Variants in PHTF2 observed in about 807,000 individuals in gnomAD.
The protein encoded by PHTF2 is putative homeodomain transcription factor 2, also known as protein PHTF2.
PHTF2 carries 60 observed loss-of-function variants against 101.2 expected under a neutral mutation model. The ratio of observed to expected loss-of-function variants is 0.59; its 90% CI spans 0.48 to 0.73. PHTF2 has a LOEUF of 0.73. PHTF2 is among the 30% of genes least tolerant of loss of function. PHTF2 has a pLI of 0.00. For missense variants in PHTF2, 747 were observed against 908.7 expected (o/e 0.82, Z 2.29); for synonymous variants, 311 against 307.3 (o/e 1.01, Z -0.13).
At chr7:77,932,066 A>G (rs896161397) in intron 12 of PHTF2, among the ~76,000 whole-genome samples, 11 of 152,108 alleles carry the variant, frequency 7.2e-5, no homozygotes, top group African/African-American at 2.7e-4. Context: ...GCGCTATTGC[A>G]CTCCAGCCTG....
At chr7:77,852,032 T>TTG (rs1342770285) in intron 2 of PHTF2, among the ~76,000 whole-genome samples, 8 of 152,036 alleles carry the variant, frequency 5.3e-5, no homozygotes, top group Non-Finnish European at 1.0e-4. Flanking sequence ...AAAGGTTTTT[T>TTG]TGTGTGTGTG....
intron 11 of PHTF2, among the ~76,000 whole-genome samples, chr7:77,927,848 C>T (rs1293717577): frequency 6.6e-6 from 1 of 152,164 alleles, no homozygotes; most frequent in Non-Finnish European, 1.5e-5. Context: ...AGCCTACTGT[C>T]ACTGGAGTAA....
At chr7:77,925,911 C>A (rs1048942682) in intron 11 of PHTF2, among the ~76,000 whole-genome samples, 2 of 151,958 alleles carry the variant, frequency 1.3e-5, no homozygotes, top group Non-Finnish European at 2.9e-5. Context: ...CAAAAATTAG[C>A]TGGCTGTTGT....
At chr7:77,850,360 C>CAAAAAAAAAAAAAAAAAAAA (rs71082789) in intron 2 of PHTF2, among the ~76,000 whole-genome samples, 1 of 44,376 alleles carries the variant, frequency 2.3e-5, no homozygotes, top group African/African-American at 8.7e-5. Flanking sequence ...GACCTTGTCT[C>CAAAAAAAAAAAAAAAAAAAA]AAAAAAAAAA....
chr7:77,861,702 C>T (rs1466042728), intron 3 of PHTF2, among the ~76,000 whole-genome samples: 2 of 152,190 alleles, frequency 1.3e-5, no homozygotes, highest in Non-Finnish European at 2.9e-5. Flanking sequence ...GTGGGCAGAT[C>T]ACTTGAGGCC....
At chr7:77,827,431 C>G (rs1271523777) in intron 1 of PHTF2, among the ~76,000 whole-genome samples, 2 of 152,106 alleles carry the variant, frequency 1.3e-5, no homozygotes, top group Non-Finnish European at 2.9e-5. Context: ...CTCGGCTCAT[C>G]GTGACCTCTG....
Position 77,941,506 on chromosome 7 carries a change from T to C in PHTF2, c.1872+847T>C, listed in dbSNP as rs112350536. ...GATTATTTTATTCCGTAAACACTTA[T>C]TTATGTTAACCATGTGCCATTCATT... is the stretch of plus-strand genomic sequence containing the variant. On this transcript the variant is annotated intron_variant, in intron 15 of 19. Transcript: ENST00000416283. 7.4e-3 allele frequency among the ~76,000 whole-genome samples: 1,123 copies of C among 152,288 alleles called. 5 individuals carry two copies. The highest frequency in any genetic ancestry group is 0.024 in the African/African-American group (1,003 of 41,556).
chr7:77,890,904 CTTTTTTTTTT>C (rs11442975), intron 3 of PHTF2, among the ~76,000 whole-genome samples: 5 of 92,962 alleles, frequency 5.4e-5, no homozygotes, highest in African/African-American at 2.5e-4. Flanking sequence ...CGCACCCGGC[CTTTTTTTTTT>C]TTTTTTTTTT....
chr7:77,883,433 T>G (rs184615927), intron 3 of PHTF2, among the ~76,000 whole-genome samples: 1 of 152,306 alleles, frequency 6.6e-6, no homozygotes, highest in East Asian at 1.9e-4. Context: ...TAGTGTTTTA[T>G]TCTCACATTC....
At chr7:77,860,919 G>T (rs1274450060) in intron 3 of PHTF2, among the ~76,000 whole-genome samples, 1 of 151,980 alleles carries the variant, frequency 6.6e-6, no homozygotes, top group Non-Finnish European at 1.5e-5. Context: ...GCCCAGGCTG[G>T]TCTCGAACTC....
At chr7:77,951,401 T>C (rs555468902) in intron 17 of PHTF2, among the ~76,000 whole-genome samples, 1 of 152,238 alleles carries the variant, frequency 6.6e-6, no homozygotes, top group East Asian at 1.9e-4. Context: ...ATCCAGTCTT[T>C]TTTATTTTGG....
At chr7:77,852,414 T>G (rs908966755) in intron 2 of PHTF2, among the ~76,000 whole-genome samples, 1 of 152,228 alleles carries the variant, frequency 6.6e-6, no homozygotes, top group Non-Finnish European at 1.5e-5. Context: ...ATGAGGCTTG[T>G]GAGTAACATC....
At chr7:77,883,988 T>C (rs1264166124) in intron 3 of PHTF2, among the ~76,000 whole-genome samples, 1 of 152,198 alleles carries the variant, frequency 6.6e-6, no homozygotes, top group Non-Finnish European at 1.5e-5. Flanking sequence ...CTGTGAAATG[T>C]GTTTTATTGT....
chr7:77,816,326 C>G (rs571175879), intron 1 of PHTF2, among the ~76,000 whole-genome samples: 1 of 152,226 alleles, frequency 6.6e-6, no homozygotes, highest in Admixed American at 6.5e-5. Flanking sequence ...CTGCCTGCCT[C>G]GGCCTCCCAA....
chr7:77,846,008 C>T (rs1343631987), intron 2 of PHTF2, among the ~76,000 whole-genome samples: 2 of 152,170 alleles, frequency 1.3e-5, no homozygotes, highest in Non-Finnish European at 2.9e-5. Context: ...TCCTTCCCAT[C>T]ACAGATGCCT....
intron 2 of PHTF2, among the ~76,000 whole-genome samples, chr7:77,844,998 G>T (rs1424705882): frequency 6.6e-6 from 1 of 152,168 alleles, no homozygotes; most frequent in Non-Finnish European, 1.5e-5. Context: ...AATGCAACAA[G>T]AATGACAACA....
At chr7:77,874,110 G>C (rs913524235) in intron 3 of PHTF2, among the ~76,000 whole-genome samples, 4 of 152,180 alleles carry the variant, frequency 2.6e-5, no homozygotes, top group Non-Finnish European at 5.9e-5. Context: ...AAGGTATTGT[G>C]TTGAGTCACT....
chr7:77,932,617 A>AGTGTGTGTGT (rs1263484171), intron 12 of PHTF2, among the ~76,000 whole-genome samples: 45 of 124,866 alleles, frequency 3.6e-4, no homozygotes, highest in Non-Finnish European at 7.1e-4. Flanking sequence ...AGAGAGAGAG[A>AGTGTGTGTGT]GAGAGTGTGT....
intron 1 of PHTF2, among the ~76,000 whole-genome samples, chr7:77,831,751 C>G (rs976012142): frequency 6.6e-6 from 1 of 152,206 alleles, no homozygotes; most frequent in Non-Finnish European, 1.5e-5. Flanking sequence ...GGTTTCACTA[C>G]TTGGGTCAAA....
Sources: allele counts gnomAD v4.1 joint callset (sites outside exome capture counted in the v4.1 genomes callset), GRCh38; gene constraint gnomAD v4.1.1; transcripts MANE v1.5; gene names NCBI Gene and HGNC (gene_info 2026-07-23, HGNC 2026-07-21).